The following PARP1 variants were observed in gnomAD, a reference collection of about 807,000 sequenced individuals.
The protein encoded by PARP1 is poly(ADP-ribose) polymerase 1.
Under a neutral mutation model 118.7 loss-of-function variants are expected in PARP1, and 44 were observed. The observed-to-expected ratio is 0.37, with a 90% CI of 0.29 to 0.48. The LOEUF (loss-of-function observed/expected upper bound fraction) is 0.48. PARP1 is among the 20% of genes least tolerant of loss of function. The pLI is 0.99. For synonymous variants in PARP1, 492 were observed against 483.2 expected, an observed-to-expected ratio of 1.02 and a Z score of -0.24; for missense variants, 1,100 against 1,272.4, an observed-to-expected ratio of 0.86 and a Z score of 2.06.
chr1:226,398,865 C>T (rs1664974716), intron 2 of PARP1, among the ~76,000 whole-genome samples: 1 of 152,122 alleles, frequency 6.6e-6, no homozygotes. Flanking sequence ...TCCTTGATTA[C>T]CCAAAGGAGT....
At chr1:226,363,257 TAAAAGTCCACA>T (rs1467894649) in intron 20 of PARP1, 97 bp from the exon 21 acceptor site, 1 of 874,202 alleles carries the variant, frequency 1.1e-6, no homozygotes, top group East Asian at 2.4e-5. Flanking sequence ...AGAGATGAGA[TAAAAGTCCACA>T]AAACCCAGAC....
chr1:226,402,153 G>A, intron 2 of PARP1, 61 bp downstream of exon 2: 1 of 1,613,998 alleles, frequency 6.2e-7, no homozygotes, highest in Non-Finnish European at 8.5e-7. Context: ...TCTGAGACGA[G>A]GCCCTCCTGG....
At chr1:226,386,832 A>C (rs555682614) in intron 5 of PARP1, among the ~76,000 whole-genome samples, 11 of 152,292 alleles carry the variant, frequency 7.2e-5, no homozygotes, top group South Asian at 2.1e-4. Context: ...ATTCTCCACC[A>C]ATCTTAGAGT....
chr1:226,365,207 G>A (rs2102726994), intron 18 of PARP1, 53 bp from the exon 19 acceptor site: 2 of 1,592,672 alleles, frequency 1.3e-6, no homozygotes, highest in Non-Finnish European at 1.7e-6. Context: ...TTGTTACTCT[G>A]GTTGACTGAA....
At chr1:226,377,381 T>A in intron 12 of PARP1, 78 bp from the exon 13 acceptor site, 2 of 1,081,628 alleles carry the variant, frequency 1.8e-6, no homozygotes, top group Non-Finnish European at 2.9e-6. Flanking sequence ...TTCCTGCCAT[T>A]ACATTCACGT....
intron 9 of PARP1, among the ~76,000 whole-genome samples, 157 bp downstream of exon 9, chr1:226,380,911 G>C (rs1387926733): frequency 5.9e-5 from 9 of 152,184 alleles, no homozygotes; most frequent in Non-Finnish European, 1.3e-4. Context: ...GCAACACTGA[G>C]AGCAAATACT....
chr1:226,392,856 G>A, intron 2 of PARP1: 1 of 1,432,708 alleles, frequency 7.0e-7, no homozygotes, highest in Non-Finnish European at 9.3e-7. Context: ...TAGCCATTTG[G>A]GACAAAAACT....
chr1:226,365,597 T>A (rs773493304), intron 18 of PARP1, among the ~76,000 whole-genome samples: 66 of 152,122 alleles, frequency 4.3e-4, no homozygotes, highest in Non-Finnish European at 7.9e-4. Context: ...TGAATCCCTA[T>A]CTCTACTAAA....
At position 226,379,586 on chromosome 1, in the gene PARP1, C is replaced by A. The variant is rs200491303; in HGVS notation, c.1599G>T (p.Val533=). The change falls in exon 11 of 23, where the codon GTG becomes GTT. Residue 533 remains valine (V), a synonymous_variant. Coordinates refer to ENST00000366794, the MANE Select transcript of PARP1 (RefSeq NM_001618.4). ...CTGTTTGCTTACCAGAATCAGGATC[C>A]ACAGCTGCTCCTCCTTTAAGAGTTA... ...MKLTLKGGAA[V]DPDSGLEHSA... The A allele has an allele frequency of 2.3e-5, 37 of 1,613,132 alleles. No individual in the cohort carries two copies. Among genetic ancestry groups the A allele is most frequent in the Non-Finnish European group, 3.1e-5 (36 of 1,179,404 alleles).
chr1:226,373,942 G>C (rs1489955975), intron 14 of PARP1, among the ~76,000 whole-genome samples: 1 of 151,834 alleles, frequency 6.6e-6, no homozygotes, highest in Non-Finnish European at 1.5e-5. Context: ...ACAACATGGT[G>C]AGACTCTGTC....
At chr1:226,388,840 G>T in intron 4 of PARP1, 85 bp from the exon 5 acceptor site, 1 of 1,023,460 alleles carries the variant, frequency 9.8e-7, no homozygotes, top group Non-Finnish European at 1.5e-6. Flanking sequence ...GTATCTTAAT[G>T]TCATTCTATC....
At chr1:226,380,347 T>C (rs556462973) in intron 9 of PARP1, among the ~76,000 whole-genome samples, 183 bp from the exon 10 acceptor site, 14 of 152,300 alleles carry the variant, frequency 9.2e-5, no homozygotes, top group Admixed American at 5.2e-4. Context: ...TTCTAAGGTA[T>C]GATGAGCCAG....
intron 2 of PARP1, among the ~76,000 whole-genome samples, chr1:226,394,715 G>GT (rs1220883336): frequency 6.6e-6 from 1 of 152,152 alleles, no homozygotes; most frequent in Admixed American, 6.5e-5. Context: ...CAAGGCTGGA[G>GT]TGTAGGCTGT....
chr1:226,385,778 A>G (rs1441601040), intron 6 of PARP1, 98 bp from the exon 7 acceptor site: 1 of 1,097,332 alleles, frequency 9.1e-7, no homozygotes, highest in African/African-American at 1.6e-5. Context: ...GATTCCACTC[A>G]CTACAAAGAA....
intron 15 of PARP1, among the ~76,000 whole-genome samples, chr1:226,370,082 C>CA (rs1664348364): frequency 2.0e-5 from 3 of 151,426 alleles, no homozygotes; most frequent in South Asian, 4.2e-4. Context: ...AGGACTTGAG[C>CA]ATGAGTGAAT....
intron 16 of PARP1, among the ~76,000 whole-genome samples, chr1:226,367,859 G>C (rs1416919048): frequency 2.0e-5 from 3 of 152,210 alleles, no homozygotes; most frequent in African/African-American, 7.2e-5. Flanking sequence ...CGTACATGCT[G>C]ACATTTGGGA....
intron 2 of PARP1, among the ~76,000 whole-genome samples, chr1:226,400,212 T>C (rs1665005261): frequency 6.6e-6 from 1 of 152,006 alleles, no homozygotes; most frequent in Non-Finnish European, 1.5e-5. Flanking sequence ...GGCAGGAGAA[T>C]CGCCTGAACC....
chr1:226,384,691 G>A (rs750874721), intron 7 of PARP1, among the ~76,000 whole-genome samples: 1 of 152,318 alleles, frequency 6.6e-6, no homozygotes, highest in Non-Finnish European at 1.5e-5. Flanking sequence ...CCACTCAAAC[G>A]CACAGAGAGA....
chr1:226,398,568 AC>A (rs1306517176), intron 2 of PARP1, among the ~76,000 whole-genome samples: 1 of 152,030 alleles, frequency 6.6e-6, no homozygotes, highest in African/African-American at 2.4e-5. Flanking sequence ...CAGGCAAAAG[AC>A]ATTTCACCAA....
Sources: gnomAD v4.1 joint callset for allele counts (sites outside exome capture counted in the v4.1 genomes callset) on GRCh38, gnomAD v4.1.1 for gene constraint, MANE v1.5 for transcripts, NCBI Gene and HGNC (gene_info 2026-07-23, HGNC 2026-07-21) for gene names.